GRK7: variants seen among roughly 807,000 people sequenced by gnomAD.
The protein encoded by GRK7 is rhodopsin kinase GRK7.
In GRK7, 24 loss-of-function variants were observed where a neutral mutation model predicts 34.1. The ratio of observed to expected loss-of-function variants is 0.70; its 90% confidence interval spans 0.51 to 0.99. The LOEUF (loss-of-function observed/expected upper bound fraction) is 0.99. Ranked by LOEUF, GRK7 falls within the 50% of genes least tolerant of loss-of-function variation. The probability of loss-of-function intolerance (pLI) is 0.00; values close to 1 mark genes in which losing one functional copy is unlikely to be tolerated. For synonymous variants in GRK7, 256 were observed against 279.4 expected (o/e 0.92, Z 0.84); for missense variants, 644 against 707.3 (o/e 0.91, Z 1.02).
intron 1 of GRK7, among the ~76,000 whole-genome samples, 178 bp downstream of exon 1, chr3:141,765,916 A>G (rs902496411): frequency 6.6e-6 from 1 of 152,202 alleles, no homozygotes; most frequent in Non-Finnish European, 1.5e-5. Flanking sequence ...TTCACTTGCA[A>G]TGTGCTATCA....
rs76335343 is a variant in GRK7, at chr3:141,812,716, G to T, written c.1326-3998G>T. Among the ~76,000 whole-genome samples, 605 of 152,318 alleles carry T rather than the reference G, an allele frequency of 4.0e-3. 3 individuals carry two copies. The highest frequency in any genetic ancestry group is 0.014 in the African/African-American group (588 of 41,574). On this transcript the variant is annotated intron_variant, in intron 5 of 5. Transcript: ENST00000682958. ...TGATGGACAAACCAAGGCTCCCTGG[G>T]CATGGTGTGCTTGAGACGCCATGTG...
intron 4 of GRK7, among the ~76,000 whole-genome samples, chr3:141,783,516 T>C (rs916683026): frequency 1.2e-4 from 18 of 152,038 alleles, no homozygotes; most frequent in Non-Finnish European, 2.5e-4. Context: ...GGGAGGAAAG[T>C]GTGGTCAAAG....
At chr3:141,757,083 T>A in the GRK7 span, among the ~76,000 whole-genome samples, 1 of 151,448 alleles carries the variant, frequency 6.6e-6, no homozygotes, top group Non-Finnish European at 1.5e-5. Flanking sequence ...AATTCCTCAC[T>A]GAACTCTGAA....
At chr3:141,753,342 C>G in the GRK7 span, among the ~76,000 whole-genome samples, 2 of 152,112 alleles carry the variant, frequency 1.3e-5, no homozygotes, top group Non-Finnish European at 2.9e-5. Context: ...GTGTTCTATA[C>G]AATTTTATGG....
At chr3:141,789,556 G>A (rs2084713131) in intron 4 of GRK7, among the ~76,000 whole-genome samples, 1 of 151,420 alleles carries the variant, frequency 6.6e-6, no homozygotes, top group Non-Finnish European at 1.5e-5. Flanking sequence ...GGAGCCAGAG[G>A]AAGGTCTGTC....
In GRK7 at chr3:141,765,593, C is replaced by A. The variant is rs1032920217; in HGVS notation, c.-360C>A. Among the ~76,000 whole-genome samples, 3 of 152,094 alleles carry A rather than the reference C, an allele frequency of 2.0e-5. No homozygotes were observed. The highest frequency in any genetic ancestry group is 7.2e-5 in the African/African-American group (3 of 41,392). ...AGATCTTGCAGCTTCTGCCTTCACC[C>A]TTTTGGAAAACTGCTCTGAGGCCAT... is the stretch of plus-strand genomic sequence containing the variant. On this transcript the variant is annotated 5_prime_UTR_variant, in exon 1 of 6. Coordinates refer to ENST00000682958, the MANE Select transcript of GRK7 (RefSeq NM_139209.3).
At chr3:141,799,379 G>A (rs1254481207) in intron 4 of GRK7, among the ~76,000 whole-genome samples, 2 of 152,216 alleles carry the variant, frequency 1.3e-5, no homozygotes, top group South Asian at 2.1e-4. Context: ...TTGGGAGGCT[G>A]TGGCGGATGG....
Position 141,807,879 on chromosome 3 carries a change from CTCT to C in GRK7, c.1290_1292del (p.Phe430del). 6.2e-7 allele frequency: 1 copy of C among 1,605,750 alleles called. No individual in the cohort carries two copies. Among genetic ancestry groups the C allele is most frequent in the Non-Finnish European group, 8.5e-7 (1 of 1,175,168 alleles). On this transcript the variant is annotated inframe_deletion, in exon 5 of 6. Transcript: ENST00000682958. ...AGAGGAAGCAAAAGATATTTGCAGG[CTCT>C]TCTTGGCTAAGAAACCAGAGCAACG...
intron 3 of GRK7, among the ~76,000 whole-genome samples, chr3:141,780,060 C>T (rs1456947394): frequency 5.3e-5 from 8 of 152,178 alleles, no homozygotes; most frequent in Non-Finnish European, 1.2e-4. Context: ...TATGGTGATA[C>T]TATGTTTAAC....
chr3:141,770,179 C>T (rs1003772040), intron 1 of GRK7, among the ~76,000 whole-genome samples: 1 of 152,068 alleles, frequency 6.6e-6, no homozygotes, highest in Non-Finnish European at 1.5e-5. Context: ...GGAATTACAG[C>T]GTGGTTAAAG....
chr3:141,757,145 TTC>T, the GRK7 span, among the ~76,000 whole-genome samples: 6 of 124,444 alleles, frequency 4.8e-5, no homozygotes, highest in South Asian at 2.3e-4. Flanking sequence ...TTTTTTTTTT[TTC>T]TTTTTTTTTT....
intron 4 of GRK7, among the ~76,000 whole-genome samples, chr3:141,803,583 C>A (rs1710993153): frequency 6.6e-6 from 1 of 152,222 alleles, no homozygotes. Context: ...CATCTATTTT[C>A]TGTCTCTATG....
rs1466674209 is a variant in GRK7 at position 141,801,120 on chromosome 3, C to T, written c.1051-6525C>T. ...GGTCCTGAGATCGAGACCATCCTGG[C>T]TAACAGGGTGAAACCCCGTCTCTAC... On this transcript the variant is annotated intron_variant, in intron 4 of 5. Transcript: ENST00000682958. 7.2e-5 allele frequency among the ~76,000 whole-genome samples: 11 copies of T among 152,036 alleles called. No individual in the cohort carries two copies. In the South Asian group the frequency reaches 1.9e-3, roughly 26 times the overall value.
In GRK7 at chr3:141,807,649, G is replaced by C. The variant is rs1559847708; in HGVS notation, c.1055G>C (p.Gly352Ala). 1 of 1,613,776 alleles carries C rather than the reference G, an allele frequency of 6.2e-7. No homozygotes were observed. The highest frequency in any genetic ancestry group is 1.3e-5 in the African/African-American group (1 of 74,936). Reference protein sequence around the residue: ...KGGKPITQRAGTNGYMAPEIL... With the variant: ...KGGKPITQRAATNGYMAPEIL... ...TTTTTGTTTGGGATGTTACAGGCTG[G>C]AACCAATGGTTACATGGCTCCTGAG... is the stretch of plus-strand genomic sequence containing the variant. The change falls in exon 5 of 6, where the codon GGA (glycine) becomes GCA (alanine). Residue 352 changes from glycine (G) to alanine (A), a missense_variant. Transcript: ENST00000682958.
intron 4 of GRK7, among the ~76,000 whole-genome samples, chr3:141,793,326 C>T (rs1559844361): frequency 6.6e-6 from 1 of 152,210 alleles, no homozygotes; most frequent in Non-Finnish European, 1.5e-5. Flanking sequence ...TAGGACCTGG[C>T]ACTGTCTCCA....
At chr3:141,771,085 A>G (rs2084614998) in intron 1 of GRK7, among the ~76,000 whole-genome samples, 1 of 152,168 alleles carries the variant, frequency 6.6e-6, no homozygotes, top group Admixed American at 6.6e-5. Flanking sequence ...CTCAAAGGAA[A>G]TCATTATATT....
In GRK7 at chr3:141,819,053, T is replaced by C. The variant is rs901907801; in HGVS notation, c.*2003T>C. On this transcript the variant is annotated 3_prime_UTR_variant, in exon 6 of 6. Coordinates refer to ENST00000682958, the MANE Select transcript of GRK7 (RefSeq NM_139209.3). ...AAGTGTGCCCAGGAGATTTTTTTTTTTCCTGAAGTAAGAAAGTAAATTAAA... is the reference window on the plus strand; with the variant it reads ...AAGTGTGCCCAGGAGATTTTTTTTTCTCCTGAAGTAAGAAAGTAAATTAAA... Among the ~76,000 whole-genome samples, 1 of 152,308 alleles carries C rather than the reference T, an allele frequency of 6.6e-6. No individual in the cohort carries two copies. Among genetic ancestry groups the C allele is most frequent in the Non-Finnish European group, 1.5e-5 (1 of 68,024 alleles).
In GRK7 at chr3:141,816,815, C is replaced by A; in HGVS notation, c.1427C>A (p.Ser476Ter). The change falls in exon 6 of 6, where the codon TCA (serine) becomes TAA (stop). Residue 476 changes from serine to a stop codon, truncating the protein, a stop_gained. Transcript: ENST00000682958. LOFTEE classifies it low-confidence loss of function (END_TRUNC). ...LIEPPFVPDP[S>*]VVYAKDIAEI... ...GAACCCCCATTTGTGCCAGACCCTT[C>A]AGTGGTTTATGCCAAAGACATCGCT... 1 of 1,612,596 alleles carries A rather than the reference C, an allele frequency of 6.2e-7. No homozygotes were observed.
At chr3:141,783,397 T>C (rs185895920) in intron 4 of GRK7, among the ~76,000 whole-genome samples, 1 of 152,366 alleles carries the variant, frequency 6.6e-6, no homozygotes, top group Non-Finnish European at 1.5e-5. Flanking sequence ...GATGTGGAAC[T>C]TGAGGCAGGG....
Sources: gnomAD v4.1 joint callset for allele counts (sites outside exome capture counted in the v4.1 genomes callset) on GRCh38, gnomAD v4.1.1 for gene constraint, MANE v1.5 for transcripts, NCBI Gene and HGNC (gene_info 2026-07-23, HGNC 2026-07-21) for gene names.